Variants in RBFOX1 observed in about 807,000 individuals in gnomAD.
RBFOX1 encodes RNA binding protein fox-1 homolog 1.
RBFOX1 carries 8 observed loss-of-function variants against 57.7 expected under a neutral mutation model. That is an observed-to-expected ratio of 0.14 (90% confidence interval 0.08 to 0.25). RBFOX1 has a LOEUF of 0.25. RBFOX1 is among the 10% of genes least tolerant of loss of function. RBFOX1 has a pLI of 1.00. For missense variants in RBFOX1, 611 were observed against 548.5 expected, an observed-to-expected ratio of 1.11 and a Z score of -1.14; for synonymous variants, 326 against 222.4, an observed-to-expected ratio of 1.47 and a Z score of -4.15.
intron 1 of RBFOX1, among the ~76,000 whole-genome samples, chr16:5,271,749 C>T (rs966827479): frequency 1.2e-4 from 19 of 152,226 alleles, no homozygotes; most frequent in Non-Finnish European, 2.6e-4. Flanking sequence ...CTCCTATCCC[C>T]TACCTTTCCT....
At chr16:5,679,326 TTCTC>T (rs1001211157) in intron 3 of RBFOX1, among the ~76,000 whole-genome samples, 2 of 150,516 alleles carry the variant, frequency 1.3e-5, no homozygotes, top group South Asian at 2.1e-4. Context: ...TGACCACCAA[TTCTC>T]TCTCTTTTTT....
chr16:5,266,510 G>C (rs1415827628), intron 1 of RBFOX1, among the ~76,000 whole-genome samples: 1 of 147,822 alleles, frequency 6.8e-6, no homozygotes, highest in Non-Finnish European at 1.5e-5. Flanking sequence ...GTAATGTTCT[G>C]TTTCTTGAAC....
At chr16:7,272,550 T>C (rs1432187532) in intron 4 of RBFOX1, among the ~76,000 whole-genome samples, 2 of 152,190 alleles carry the variant, frequency 1.3e-5, no homozygotes, top group Non-Finnish European at 2.9e-5. Context: ...TCATCAAATA[T>C]TTATAGGCAA....
intron 2 of RBFOX1, among the ~76,000 whole-genome samples, chr16:6,609,381 G>T (rs185524731): frequency 1.3e-5 from 2 of 151,960 alleles, no homozygotes; most frequent in African/African-American, 4.8e-5. Flanking sequence ...GTCTCACTCT[G>T]TTGTCCAGGC....
At chr16:7,237,040 A>G (rs76133486) in intron 4 of RBFOX1, among the ~76,000 whole-genome samples, 9 of 152,330 alleles carry the variant, frequency 5.9e-5, no homozygotes, top group Non-Finnish European at 1.2e-4. Flanking sequence ...ATCACCCATC[A>G]GCAAGAGAGG....
chr16:6,487,665 G>C (rs1221914714), intron 2 of RBFOX1, among the ~76,000 whole-genome samples: 2 of 92,528 alleles, frequency 2.2e-5, no homozygotes, highest in African/African-American at 4.5e-5. Context: ...AGATGGCAGT[G>C]ATATATGTAA....
intron 2 of RBFOX1, among the ~76,000 whole-genome samples, chr16:6,332,115 G>A (rs1314141935): frequency 6.6e-6 from 1 of 152,206 alleles, no homozygotes; most frequent in Non-Finnish European, 1.5e-5. Flanking sequence ...GAAGACGAAT[G>A]AAGAAAGTGC....
At chr16:7,485,647 T>G (rs2065176666) in intron 4 of RBFOX1, among the ~76,000 whole-genome samples, 2 of 152,206 alleles carry the variant, frequency 1.3e-5, no homozygotes, top group Admixed American at 6.5e-5. Flanking sequence ...AGAAGATTGT[T>G]CTATCTAAAC....
chr16:5,512,998 C>T (rs2043659444), intron 2 of RBFOX1, among the ~76,000 whole-genome samples: 1 of 152,206 alleles, frequency 6.6e-6, no homozygotes, highest in Non-Finnish European at 1.5e-5. Flanking sequence ...TCACTGCAAC[C>T]TCCACCTCCT....
At chr16:6,444,005 T>C (rs2094438064) in intron 2 of RBFOX1, among the ~76,000 whole-genome samples, 1 of 152,160 alleles carries the variant, frequency 6.6e-6, no homozygotes, top group Non-Finnish European at 1.5e-5. Flanking sequence ...TATATAAATA[T>C]ATATGTGTAT....
At chr16:5,311,596 C>T (rs781702730) in intron 1 of RBFOX1, among the ~76,000 whole-genome samples, 2 of 152,168 alleles carry the variant, frequency 1.3e-5, no homozygotes, top group Admixed American at 6.5e-5. Context: ...ATCATTCTTG[C>T]TGGAGTAAGG....
chr16:6,900,327 C>A (rs964319814), intron 3 of RBFOX1, among the ~76,000 whole-genome samples: 2 of 152,168 alleles, frequency 1.3e-5, no homozygotes, highest in African/African-American at 4.8e-5. Flanking sequence ...CCATCATCTC[C>A]CCCTGGAGCT....
At chr16:5,856,575 G>GTGTGTGTGTGTA (rs1192496608) in intron 3 of RBFOX1, among the ~76,000 whole-genome samples, 1 of 32,920 alleles carries the variant, frequency 3.0e-5, no homozygotes, top group Non-Finnish European at 5.7e-5. Flanking sequence ...GTGTGTGTGT[G>GTGTGTGTGTGTA]TATATATATA....
At chr16:5,610,892 T>A (rs2047758406) in intron 3 of RBFOX1, among the ~76,000 whole-genome samples, 1 of 151,824 alleles carries the variant, frequency 6.6e-6, no homozygotes, top group Admixed American at 6.6e-5. Context: ...TAAAAATAAA[T>A]AAAAATCAGA....
intron 15 of RBFOX1, chr16:7,710,344 G>C (rs949015105): frequency 7.1e-6 from 9 of 1,267,930 alleles, no homozygotes; most frequent in African/African-American, 4.7e-5. Flanking sequence ...AAATGAGACA[G>C]TGAAAATCCT....
intron 3 of RBFOX1, among the ~76,000 whole-genome samples, chr16:6,955,348 G>GCACACACACACACACACACA (rs34550051): frequency 2.7e-5 from 4 of 150,230 alleles, no homozygotes; most frequent in Non-Finnish European, 5.9e-5. Flanking sequence ...CCCCACATAT[G>GCACACACACACACACACACA]CACACACACA....
chr16:7,599,446 A>G (rs2152970515), intron 9 of RBFOX1, among the ~76,000 whole-genome samples: 1 of 115,856 alleles, frequency 8.6e-6, no homozygotes, highest in South Asian at 2.7e-4. Context: ...ACTGAAAACT[A>G]GACCTGTAGG....
intron 1 of RBFOX1, among the ~76,000 whole-genome samples, chr16:6,031,229 G>A (rs1293796066): frequency 6.6e-6 from 1 of 152,148 alleles, no homozygotes; most frequent in East Asian, 1.9e-4. Flanking sequence ...AGACCATGGT[G>A]AGCAGAGGTG....
chr16:5,657,654 TTTCTTTTCTTTC>T (rs2049480270), intron 3 of RBFOX1, among the ~76,000 whole-genome samples: 1 of 131,012 alleles, frequency 7.6e-6, no homozygotes, highest in Admixed American at 7.7e-5. Flanking sequence ...CTTTCTTTCT[TTTCTTTTCTTTC>T]TTTCTTTTCT....
Sources: gnomAD v4.1 joint callset for allele counts (sites outside exome capture counted in the v4.1 genomes callset) on GRCh38, gnomAD v4.1.1 for gene constraint, MANE v1.5 for transcripts, NCBI Gene and HGNC (gene_info 2026-07-23, HGNC 2026-07-21) for gene names.